Variants in GRM7 observed in about 807,000 individuals in gnomAD.
GRM7 encodes metabotropic glutamate receptor 7.
Under a neutral mutation model 84.5 loss-of-function variants are expected in GRM7, and 35 were observed. That is an observed-to-expected ratio of 0.41 (90% CI 0.32 to 0.55). The LOEUF (loss-of-function observed/expected upper bound fraction) is 0.55, where lower values mean the gene tolerates loss of function less well. Among genes scored for constraint, GRM7 ranks in the 20% least tolerant of loss-of-function variants. GRM7 has a pLI of 0.19. For synonymous variants in GRM7, 487 were observed against 455.1 expected, an observed-to-expected ratio of 1.07 and a Z score of -0.89; for missense variants, 1,003 against 1,194.6, an observed-to-expected ratio of 0.84 and a Z score of 2.36.
intron 2 of GRM7, among the ~76,000 whole-genome samples, chr3:7,159,658 A>G (rs1464401822): frequency 6.6e-6 from 1 of 152,186 alleles, no homozygotes; most frequent in Non-Finnish European, 1.5e-5. Flanking sequence ...GAAGCCAGAT[A>G]TACCTAGGTT....
chr3:7,186,697 C>T (rs1162350837), intron 2 of GRM7, among the ~76,000 whole-genome samples: 1 of 152,118 alleles, frequency 6.6e-6, no homozygotes, highest in Non-Finnish European at 1.5e-5. Context: ...TTTAATGTGT[C>T]ATTGTCATAA....
In GRM7 at chr3:7,369,195, C is replaced by T. The variant is rs146304437; in HGVS notation, c.1034-45828C>T. 3.2e-4 allele frequency among the ~76,000 whole-genome samples: 48 copies of T among 152,228 alleles called. 1 individual carries two copies. Among genetic ancestry groups the T allele is most frequent in the African/African-American group, 1.1e-3 (45 of 41,556 alleles). On this transcript the variant is annotated intron_variant, in intron 4 of 9. Coordinates refer to ENST00000357716, the MANE Select transcript of GRM7 (RefSeq NM_000844.4). ...ACAGCCTCCGGAGTAGCCAGAACTA[C>T]AGGTGCATGCTACTACACAAACAAC...
At chr3:7,223,111 GC>G (rs1696865129) in intron 2 of GRM7, among the ~76,000 whole-genome samples, 1 of 152,028 alleles carries the variant, frequency 6.6e-6, no homozygotes, top group African/African-American at 2.4e-5. Context: ...ATATATAGGT[GC>G]TTTTTTTTCC....
chr3:6,974,166 A>T (rs1461716559), intron 1 of GRM7, among the ~76,000 whole-genome samples: 1 of 152,240 alleles, frequency 6.6e-6, no homozygotes, highest in African/African-American at 2.4e-5. Context: ...CCACAAAGCC[A>T]TCAGCCTGAA....
intron 1 of GRM7, among the ~76,000 whole-genome samples, chr3:6,947,278 G>T (rs1008146037): frequency 2.0e-5 from 3 of 152,116 alleles, no homozygotes; most frequent in Non-Finnish European, 4.4e-5. Flanking sequence ...GTTGAATTTT[G>T]TCAAACGCCT....
At chr3:7,289,736 T>C (rs1014648766) in intron 2 of GRM7, among the ~76,000 whole-genome samples, 1 of 151,762 alleles carries the variant, frequency 6.6e-6, no homozygotes, top group African/African-American at 2.4e-5. Flanking sequence ...GAAACCATCA[T>C]TCTCAGCAAA....
intron 7 of GRM7, among the ~76,000 whole-genome samples, chr3:7,467,717 C>A (rs140906928): frequency 6.6e-6 from 1 of 152,090 alleles, no homozygotes; most frequent in Non-Finnish European, 1.5e-5. Flanking sequence ...ATTTATAATG[C>A]TCTCTGGATT....
At chr3:7,728,065 G>T (rs114275516) in intron 9 of GRM7, among the ~76,000 whole-genome samples, 1 of 152,066 alleles carries the variant, frequency 6.6e-6, no homozygotes, top group African/African-American at 2.4e-5. Flanking sequence ...TCTGAGATCC[G>T]CAGTCAAAAC....
intron 5 of GRM7, among the ~76,000 whole-genome samples, chr3:7,447,086 C>G (rs1001556749): frequency 6.6e-6 from 1 of 151,854 alleles, no homozygotes; most frequent in Non-Finnish European, 1.5e-5. Context: ...AATCGGGAGA[C>G]GTGAAAAGTT....
intron 7 of GRM7, 116 bp from the exon 8 acceptor site, chr3:7,578,306 C>T (rs1304916075): frequency 1.2e-5 from 8 of 669,086 alleles, no homozygotes; most frequent in Non-Finnish European, 2.1e-5. Context: ...TGAGGGTAAA[C>T]TATTCAACCT....
intron 4 of GRM7, among the ~76,000 whole-genome samples, chr3:7,331,400 G>C (rs17047133): frequency 0.039 from 5,987 of 152,252 alleles, 244 homozygotes; most frequent in African/African-American, 0.11. Context: ...TGATCAAAAG[G>C]TTAGATAAAA....
intron 2 of GRM7, among the ~76,000 whole-genome samples, chr3:7,182,954 T>A (rs189452858): frequency 1.3e-5 from 2 of 151,854 alleles, no homozygotes; most frequent in African/African-American, 4.8e-5. Context: ...TTAGTAGTTT[T>A]TGAGCAGACT....
At chr3:6,956,950 C>T (rs1382632588) in intron 1 of GRM7, among the ~76,000 whole-genome samples, 1 of 152,158 alleles carries the variant, frequency 6.6e-6, no homozygotes, top group East Asian at 1.9e-4. Flanking sequence ...TACAAAAATG[C>T]TGCTGAGAAG....
At chr3:7,717,384 T>A (rs1043288906) in intron 9 of GRM7, among the ~76,000 whole-genome samples, 2 of 151,872 alleles carry the variant, frequency 1.3e-5, no homozygotes, top group Admixed American at 6.6e-5. Context: ...AAAAAAAAAA[T>A]TGCACAGGTG....
At chr3:7,039,955 A>G (rs914481889) in intron 1 of GRM7, among the ~76,000 whole-genome samples, 14 of 152,204 alleles carry the variant, frequency 9.2e-5, no homozygotes, top group African/African-American at 3.4e-4. Context: ...CCGAGTTCAG[A>G]ACTGTATCTT....
At chr3:7,441,640 C>T (rs531040698) in intron 5 of GRM7, among the ~76,000 whole-genome samples, 2 of 152,108 alleles carry the variant, frequency 1.3e-5, no homozygotes, top group African/African-American at 4.8e-5. Context: ...TTTAATATAT[C>T]TTGGGTTAAT....
chr3:7,475,055 A>G (rs1467010815), intron 7 of GRM7, among the ~76,000 whole-genome samples: 1 of 152,206 alleles, frequency 6.6e-6, no homozygotes, highest in Non-Finnish European at 1.5e-5. Flanking sequence ...ATTCAGTTGT[A>G]GGGGCCTGTT....
chr3:7,032,005 C>T (rs1161669784), intron 1 of GRM7, among the ~76,000 whole-genome samples: 2 of 152,282 alleles, frequency 1.3e-5, no homozygotes, highest in South Asian at 2.1e-4. Flanking sequence ...AGGGAAATGA[C>T]AATCTATGCT....
At chr3:7,404,873 C>T (rs932248180) in intron 4 of GRM7, among the ~76,000 whole-genome samples, 3 of 152,108 alleles carry the variant, frequency 2.0e-5, no homozygotes, top group African/African-American at 7.2e-5. Context: ...GTTTGCAATA[C>T]ACCCTATTGG....
Sources: gnomAD v4.1 joint callset for allele counts (sites outside exome capture counted in the v4.1 genomes callset) on GRCh38, gnomAD v4.1.1 for gene constraint, MANE v1.5 for transcripts, NCBI Gene and HGNC (gene_info 2026-07-23, HGNC 2026-07-21) for gene names.